The following WWOX variants were observed in gnomAD, a reference collection of about 807,000 sequenced individuals.
WWOX encodes the protein WW domain-containing oxidoreductase.
A neutral mutation model predicts 46.2 loss-of-function variants in WWOX; 69 were observed. The observed-to-expected ratio is 1.49, with a 90% CI of 1.23 to 1.82. The LOEUF (loss-of-function observed/expected upper bound fraction) is 1.82, where lower values mean the gene tolerates loss of function less well. Ranked by LOEUF, WWOX falls within the 40% of genes most tolerant of loss-of-function variation. The pLI is 0.00. For missense variants in WWOX, 919 were observed against 542.6 expected (o/e 1.69, Z -6.89); for synonymous variants, 359 against 202.6 (o/e 1.77, Z -6.56).
intron 8 of WWOX, among the ~76,000 whole-genome samples, chr16:78,769,521 AC>A (rs547969685): frequency 0.02 from 711 of 35,012 alleles, 5 homozygotes; most frequent in Middle Eastern, 0.086. Flanking sequence ...CCTCCCACCC[AC>A]CCCCCACATT....
intron 8 of WWOX, among the ~76,000 whole-genome samples, chr16:78,960,519 C>T (rs2046252475): frequency 1.3e-5 from 2 of 152,340 alleles, no homozygotes; most frequent in African/African-American, 2.4e-5. Context: ...CATTTTGTCA[C>T]CTTCTTACCC....
chr16:79,212,437 T>TTTAGAGA lies in WWOX; in HGVS notation c.*645_*651dup, dbSNP rs899652288. 6.9e-6 allele frequency: 2 copies of TTTAGAGA among 290,436 alleles called. No homozygotes were observed. Among genetic ancestry groups the TTTAGAGA allele is most frequent in the Middle Eastern group, 1.1e-3 (1 of 938 alleles). 18.0% of individuals were successfully genotyped at this position (290,436 alleles called of 1,614,324 possible). ...TTTGCTAATGCTATGCAAAAAATTC[T>TTTAGAGA]TTAGAGATTATAACAAATTTTTCAA... is the stretch of plus-strand genomic sequence containing the variant. On this transcript the variant is annotated 3_prime_UTR_variant, in exon 9 of 9. Coordinates refer to ENST00000566780, the MANE Select transcript of WWOX (RefSeq NM_016373.4).
chr16:78,128,589 G>GGGAT (rs1404482138), intron 4 of WWOX, among the ~76,000 whole-genome samples: 1 of 152,146 alleles, frequency 6.6e-6, no homozygotes, highest in Non-Finnish European at 1.5e-5. Context: ...AGACACAAAC[G>GGGAT]GGATGCTCCT....
intron 8 of WWOX, among the ~76,000 whole-genome samples, chr16:78,556,040 C>T (rs1012601387): frequency 6.6e-6 from 1 of 151,956 alleles, no homozygotes; most frequent in African/African-American, 2.4e-5. Context: ...CCAGCCAGGC[C>T]CGGGCTATTA....
At chr16:78,881,756 C>T (rs991355239) in intron 8 of WWOX, among the ~76,000 whole-genome samples, 3 of 152,178 alleles carry the variant, frequency 2.0e-5, no homozygotes, top group South Asian at 2.1e-4. Flanking sequence ...GGCTTGTCTA[C>T]GCCAAAATGG....
chr16:79,123,586 C>T (rs1330585843), intron 8 of WWOX, among the ~76,000 whole-genome samples: 1 of 152,064 alleles, frequency 6.6e-6, no homozygotes, highest in Non-Finnish European at 1.5e-5. Context: ...AGAAGGGTCT[C>T]ATCTAACAGG....
At chr16:78,682,507 C>T (rs2047753153) in intron 8 of WWOX, among the ~76,000 whole-genome samples, 1 of 152,030 alleles carries the variant, frequency 6.6e-6, no homozygotes. Flanking sequence ...ACCACGAGCC[C>T]AGGAGTTGGA....
At chr16:78,774,738 A>C (rs117358412) in intron 8 of WWOX, among the ~76,000 whole-genome samples, 1 of 152,194 alleles carries the variant, frequency 6.6e-6, no homozygotes, top group East Asian at 1.9e-4. Flanking sequence ...ACACATACAC[A>C]CACATGGGCA....
At chr16:78,914,349 G>T (rs1043456387) in intron 8 of WWOX, among the ~76,000 whole-genome samples, 1 of 152,066 alleles carries the variant, frequency 6.6e-6, no homozygotes, top group African/African-American at 2.4e-5. Flanking sequence ...ACTTAGAACA[G>T]TACCTGGCAT....
chr16:78,166,738 T>C (rs2034988368), intron 5 of WWOX: 1 of 152,146 alleles, frequency 6.6e-6, no homozygotes, highest in African/African-American at 2.4e-5. Flanking sequence ...TTTGTATTTT[T>C]AATACAGACG....
chr16:78,792,403 G>C (rs1310431355), intron 8 of WWOX, among the ~76,000 whole-genome samples: 7 of 152,126 alleles, frequency 4.6e-5, no homozygotes, highest in Non-Finnish European at 1.0e-4. Flanking sequence ...AAAAAGCTCG[G>C]AGATGGCTTC....
chr16:78,488,426 C>CT (rs2084693661), intron 8 of WWOX, among the ~76,000 whole-genome samples: 1 of 151,934 alleles, frequency 6.6e-6, no homozygotes, highest in Admixed American at 6.6e-5. Context: ...CACCTGAGCC[C>CT]TTTTTTAGGA....
chr16:78,345,613 C>G lies in WWOX; in HGVS notation c.517-41247C>G, dbSNP rs1597070709. On this transcript the variant is annotated intron_variant, in intron 5 of 8. Coordinates refer to ENST00000566780, the MANE Select transcript of WWOX (RefSeq NM_016373.4). ...TGTGATCCTGTCTCTACACCTCAGT[C>G]TGGGTGGCAGAGCAAGACCCTGTCT... Among the ~76,000 whole-genome samples the G allele has an allele frequency of 2.6e-5, 2 of 77,916 alleles. 1 individual carries two copies. The highest frequency in any genetic ancestry group is 8.4e-4 in the South Asian group (2 of 2,368). The allele number at this position is 77,916 out of a possible 152,430, so 51.1% of individuals were successfully genotyped here.
At chr16:78,368,982 C>T (rs1009932361) in intron 5 of WWOX, among the ~76,000 whole-genome samples, 1 of 152,142 alleles carries the variant, frequency 6.6e-6, no homozygotes. Flanking sequence ...CTGCATTTCT[C>T]AGTCTCCCCA....
rs1041305977 is a variant in WWOX at position 78,226,309 on chromosome 16, C to T, written c.516+62020C>T. 3.3e-5 allele frequency among the ~76,000 whole-genome samples: 5 copies of T among 152,126 alleles called. No individual in the cohort carries two copies. The East Asian group carries it at 9.6e-4, about 29-fold the overall frequency. On this transcript the variant is annotated intron_variant, in intron 5 of 8. Coordinates refer to ENST00000566780, the MANE Select transcript of WWOX (RefSeq NM_016373.4). ...AAGGGTACCTAACATTTTGAATCTC[C>T]ATTAATCTTACAGCTCAGATCCTGT...
chr16:78,263,311 G>T (rs978730367), intron 5 of WWOX, among the ~76,000 whole-genome samples: 17 of 152,150 alleles, frequency 1.1e-4, no homozygotes, highest in Non-Finnish European at 1.9e-4. Flanking sequence ...AGTGCCCAGG[G>T]CTTCATGCAT....
chr16:78,906,427 C>A (rs1476808951), intron 8 of WWOX, among the ~76,000 whole-genome samples: 1 of 152,172 alleles, frequency 6.6e-6, no homozygotes, highest in African/African-American at 2.4e-5. Context: ...CAACCCTCCC[C>A]CAAGCTAAAA....
At chr16:78,990,230 G>T (rs963539275) in intron 8 of WWOX, among the ~76,000 whole-genome samples, 2 of 150,070 alleles carry the variant, frequency 1.3e-5, no homozygotes, top group Non-Finnish European at 2.9e-5. Flanking sequence ...CAACTGATCA[G>T]CATCTCAGAT....
intron 8 of WWOX, among the ~76,000 whole-genome samples, chr16:78,589,186 T>G (rs1247732324): frequency 1.3e-5 from 2 of 152,210 alleles, no homozygotes; most frequent in Non-Finnish European, 2.9e-5. Context: ...GAGTGTTGTT[T>G]GTTATTTTTT....
Sources: gnomAD v4.1 joint callset for allele counts (sites outside exome capture counted in the v4.1 genomes callset) on GRCh38, gnomAD v4.1.1 for gene constraint, MANE v1.5 for transcripts, NCBI Gene and HGNC (gene_info 2026-07-23, HGNC 2026-07-21) for gene names.